ITGA9: variants seen among roughly 807,000 people sequenced by gnomAD.
The protein encoded by ITGA9 is integrin alpha-9.
A neutral mutation model predicts 127.8 loss-of-function variants in ITGA9; 56 were observed. That is an observed-to-expected ratio of 0.44 (90% CI 0.35 to 0.55). ITGA9 has a LOEUF of 0.55. Among genes scored for constraint, ITGA9 ranks in the 20% least tolerant of loss-of-function variants. ITGA9 has a pLI of 0.00. For missense variants in ITGA9, 1,196 were observed against 1,347.1 expected, an observed-to-expected ratio of 0.89 and a Z score of 1.76; for synonymous variants, 508 against 514.5, an observed-to-expected ratio of 0.99 and a Z score of 0.17.
chr3:37,785,551 G>A (rs1697029644), intron 26 of ITGA9, among the ~76,000 whole-genome samples: 2 of 152,240 alleles, frequency 1.3e-5, no homozygotes, highest in Non-Finnish European at 2.9e-5. Flanking sequence ...ATAACTCCCT[G>A]TAGCCTTGAA....
chr3:37,534,065 C>T lies in ITGA9; in HGVS notation c.1528+597C>T, dbSNP rs563529300. Among the ~76,000 whole-genome samples the T allele has an allele frequency of 6.6e-5, 10 of 152,312 alleles. No individual in the cohort carries two copies. In the East Asian group the frequency reaches 1.9e-3, roughly 29 times the overall value. On this transcript the variant is annotated intron_variant, in intron 14 of 27. Coordinates refer to ENST00000264741, the MANE Select transcript of ITGA9 (RefSeq NM_002207.3). ...CATTTTTCTGGCTGGGGAAAATCAA[C>T]TTGCTAGCCCAGCTCTAGAGACTGG... is the stretch of plus-strand genomic sequence containing the variant.
At chr3:37,508,726 C>A in intron 8 of ITGA9, 99 bp downstream of exon 8, 1 of 908,686 alleles carries the variant, frequency 1.1e-6, no homozygotes, top group Non-Finnish European at 1.8e-6. Context: ...CCTACCTGTG[C>A]CCTGTGTTTA....
intron 10 of ITGA9, among the ~76,000 whole-genome samples, chr3:37,518,602 G>T (rs552003742): frequency 6.6e-6 from 1 of 151,894 alleles, no homozygotes; most frequent in Non-Finnish European, 1.5e-5. Flanking sequence ...GACTTTCTCA[G>T]TTACACAATA....
At position 37,780,026 on chromosome 3, in the gene ITGA9, G is replaced by C. The variant is rs1419199052; in HGVS notation, c.2787+5G>C. 2 of 1,613,714 alleles carry C rather than the reference G, an allele frequency of 1.2e-6. No individual in the cohort carries two copies. The highest frequency in any genetic ancestry group is 1.7e-6 in the Non-Finnish European group (2 of 1,179,922). ...AACACAGAAATACTGAAAAAGGTAA[G>C]CCCTAATGAACCGCACTTGTGGATG... On this transcript the variant is annotated splice_donor_5th_base_variant and intron_variant, in intron 25 of 27. Coordinates refer to ENST00000264741, the MANE Select transcript of ITGA9 (RefSeq NM_002207.3).
At chr3:37,675,379 C>T (rs191468100) in intron 17 of ITGA9, among the ~76,000 whole-genome samples, 3 of 152,316 alleles carry the variant, frequency 2.0e-5, no homozygotes, top group Admixed American at 2.0e-4. Context: ...GGTTGCCTGT[C>T]CTTCTGTGTT....
At position 37,498,776 on chromosome 3, in the gene ITGA9, C is replaced by T. The variant is rs769357966; in HGVS notation, c.612+4208C>T. ...CCTGGCTACTTTGGACTTTGGCCTC[C>T]GCTTCAGTTCCCAGGCTTTTGGCCT... is the stretch of plus-strand genomic sequence containing the variant. On this transcript the variant is annotated intron_variant, in intron 5 of 27. Transcript: ENST00000264741. Among the ~76,000 whole-genome samples, 9 of 152,194 alleles carry T rather than the reference C, an allele frequency of 5.9e-5. No homozygotes were observed. The East Asian group carries it at 7.7e-4, about 13-fold the overall frequency.
chr3:37,794,362 A>G (rs542500326), intron 26 of ITGA9, among the ~76,000 whole-genome samples: 16 of 152,220 alleles, frequency 1.1e-4, no homozygotes, highest in Admixed American at 2.0e-4. Context: ...GAGCCCACAC[A>G]CAGAGCAGGT....
intron 18 of ITGA9, among the ~76,000 whole-genome samples, chr3:37,686,449 G>A (rs367667912): frequency 1.1e-4 from 17 of 152,290 alleles, no homozygotes; most frequent in African/African-American, 3.1e-4. Context: ...GGACGCAGGC[G>A]TGGTGAGTAG....
chr3:37,455,130 T>C (rs752606346), intron 1 of ITGA9, among the ~76,000 whole-genome samples: 1 of 152,250 alleles, frequency 6.6e-6, no homozygotes, highest in Non-Finnish European at 1.5e-5. Flanking sequence ...GTCTGTACCT[T>C]AACTTCAACT....
intron 15 of ITGA9, among the ~76,000 whole-genome samples, chr3:37,581,006 T>C (rs1005742621): frequency 2.0e-5 from 3 of 152,190 alleles, no homozygotes; most frequent in African/African-American, 7.2e-5. Context: ...AACAAAATAA[T>C]GTGTGAAGGA....
chr3:37,521,156 G>A (rs750123326), intron 11 of ITGA9, among the ~76,000 whole-genome samples: 1 of 152,168 alleles, frequency 6.6e-6, no homozygotes, highest in African/African-American at 2.4e-5. Flanking sequence ...ATGACTGTAC[G>A]TTCCCAAGCT....
Position 37,471,104 on chromosome 3 carries a change from C to T in ITGA9, c.283C>T (p.Arg95Trp), listed in dbSNP as rs370409124. 29 of 1,613,940 alleles carry T rather than the reference C, an allele frequency of 1.8e-5. No individual in the cohort carries two copies. The highest frequency in any genetic ancestry group is 4.4e-5 in the South Asian group (4 of 91,066). ...GTGCCGTGTTCACACCAACCCTGAC[C>T]GGAGATGCACCGAACTGGACATGGC... is the stretch of plus-strand genomic sequence containing the variant. ...FKCRVHTNPD[R>W]RCTELDMARG... Residue 95 changes from arginine to tryptophan, a missense_variant, in exon 2 of 28, where the codon CGG becomes TGG. Arg to Trp is a moderately radical substitution (Grantham distance 101). Coordinates refer to ENST00000264741, the MANE Select transcript of ITGA9 (RefSeq NM_002207.3).
intron 1 of ITGA9, among the ~76,000 whole-genome samples, chr3:37,467,123 G>A (rs1261663863): frequency 6.6e-6 from 1 of 152,162 alleles, no homozygotes; most frequent in Non-Finnish European, 1.5e-5. Context: ...GCAGTGCTGG[G>A]CTGCGGAGGA....
chr3:37,724,552 A>G (rs975416228), intron 18 of ITGA9, among the ~76,000 whole-genome samples: 2 of 152,056 alleles, frequency 1.3e-5, no homozygotes, highest in African/African-American at 4.8e-5. Flanking sequence ...CTAGAGTGCA[A>G]TGGTGCAAAC....
chr3:37,527,638 T>C (rs1265727683), intron 13 of ITGA9, among the ~76,000 whole-genome samples: 1 of 152,212 alleles, frequency 6.6e-6, no homozygotes, highest in Non-Finnish European at 1.5e-5. Flanking sequence ...TGAGGTTAGA[T>C]TTGTGAATCT....
intron 13 of ITGA9, among the ~76,000 whole-genome samples, chr3:37,530,874 C>T (rs938917168): frequency 6.6e-6 from 1 of 151,482 alleles, no homozygotes; most frequent in Non-Finnish European, 1.5e-5. Flanking sequence ...GCCTCAGCCT[C>T]CCAAGTAGCT....
At chr3:37,462,078 A>G (rs951848886) in intron 1 of ITGA9, among the ~76,000 whole-genome samples, 11 of 152,242 alleles carry the variant, frequency 7.2e-5, no homozygotes. Context: ...AATTTGCTCT[A>G]TCCCTTGGAT....
intron 4 of ITGA9, among the ~76,000 whole-genome samples, chr3:37,485,662 G>A (rs941336535): frequency 3.3e-5 from 5 of 151,950 alleles, no homozygotes; most frequent in South Asian, 4.2e-4. Flanking sequence ...AAATATGTGG[G>A]GATCTCTCCA....
intron 20 of ITGA9, among the ~76,000 whole-genome samples, chr3:37,738,621 G>A (rs963572194): frequency 2.6e-5 from 4 of 152,166 alleles, no homozygotes; most frequent in African/African-American, 4.8e-5. Context: ...GATAAGGGGC[G>A]GCAGATGCCC....
Sources: allele counts gnomAD v4.1 joint callset (sites outside exome capture counted in the v4.1 genomes callset), GRCh38; gene constraint gnomAD v4.1.1; transcripts MANE v1.5; gene names NCBI Gene and HGNC (gene_info 2026-07-23, HGNC 2026-07-21).